NAV3: variants seen among roughly 807,000 people sequenced by gnomAD.
NAV3 encodes the protein neuron navigator 3.
A neutral mutation model predicts 244.7 loss-of-function variants in NAV3; 87 were observed. That is an observed-to-expected ratio of 0.36 (90% CI 0.30 to 0.42). The LOEUF is 0.42. NAV3 is among the 20% of genes least tolerant of loss of function. The pLI, the probability that NAV3 is intolerant of heterozygous loss-of-function variation, is 1.00. For missense variants in NAV3, 2,663 were observed against 2,893.3 expected, an observed-to-expected ratio of 0.92 and a Z score of 1.83; for synonymous variants, 1,126 against 1,042.2, an observed-to-expected ratio of 1.08 and a Z score of -1.55.
At chr12:77,702,340 C>A (rs774312015) in intron 2 of NAV3, among the ~76,000 whole-genome samples, 4 of 151,892 alleles carry the variant, frequency 2.6e-5, no homozygotes, top group Non-Finnish European at 5.9e-5. Flanking sequence ...CCTTTCTGTC[C>A]TTTTCTATTT....
At chr12:77,592,067 A>G (rs979097640) in intron 2 of NAV3, among the ~76,000 whole-genome samples, 1 of 152,178 alleles carries the variant, frequency 6.6e-6, no homozygotes, top group Non-Finnish European at 1.5e-5. Context: ...TCGTTCGCAC[A>G]GTGTCTGACT....
At chr12:78,094,410 A>T (rs1012413950) in intron 12 of NAV3, among the ~76,000 whole-genome samples, 6 of 152,214 alleles carry the variant, frequency 3.9e-5, no homozygotes, top group African/African-American at 1.4e-4. Context: ...GTCAATGGAT[A>T]TAATGGTGTA....
intron 2 of NAV3, among the ~76,000 whole-genome samples, chr12:77,640,518 A>T (rs1162230847): frequency 6.6e-6 from 1 of 152,162 alleles, no homozygotes; most frequent in Non-Finnish European, 1.5e-5. Context: ...GTGATATCAT[A>T]CAGTATTTTT....
intron 2 of NAV3, among the ~76,000 whole-genome samples, chr12:77,716,989 G>T (rs919466994): frequency 1.3e-5 from 2 of 151,990 alleles, no homozygotes; most frequent in African/African-American, 4.8e-5. Flanking sequence ...TAAAAGAAAA[G>T]ATGTAAACCA....
intron 5 of NAV3, among the ~76,000 whole-genome samples, chr12:77,969,296 C>T (rs566784188): frequency 6.6e-6 from 1 of 151,940 alleles, no homozygotes; most frequent in African/African-American, 2.4e-5. Context: ...TTTTCTCTTC[C>T]ATTATTATTA....
chr12:77,636,353 C>T (rs1200347658), intron 2 of NAV3, among the ~76,000 whole-genome samples: 2 of 151,460 alleles, frequency 1.3e-5, no homozygotes, highest in Non-Finnish European at 2.9e-5. Flanking sequence ...GTAGTCCCAG[C>T]TACTCAGGAG....
rs1187441915 is a variant in NAV3, at chr12:78,204,971, A to G, written c.6871A>G (p.Lys2291Glu). Reference protein sequence around the residue: ...GKRTPWEDPSKWVLDTYPWSS... With the variant: ...GKRTPWEDPSEWVLDTYPWSS... ...ACGCACACCATGGGAAGATCCTTCA[A>G]AGTGGGTGCTTGACACATATCCATG... Residue 2291 changes from lysine to glutamate, a missense_variant, in exon 39 of 40, where the codon AAG (lysine) becomes GAG (glutamate). Lys to Glu is a moderately conservative substitution (Grantham distance 56). Around this residue, in one of 6 missense-constraint regions of NAV3, gnomAD observed 543 missense variants for 672.4 expected, o/e 0.81. Transcript: ENST00000397909. 1 of 1,613,440 alleles carries G rather than the reference A, an allele frequency of 6.2e-7. No individual in the cohort carries two copies. The highest frequency in any genetic ancestry group is 1.3e-5 in the African/African-American group (1 of 74,882).
chr12:78,048,322 T>A (rs1458703488), intron 9 of NAV3, among the ~76,000 whole-genome samples: 1 of 152,232 alleles, frequency 6.6e-6, no homozygotes, highest in Admixed American at 6.5e-5. Context: ...TCAGCCTTTT[T>A]GCACTGTTTT....
intron 1 of NAV3, among the ~76,000 whole-genome samples, chr12:77,843,397 T>TTGTGTG (rs58382126): frequency 4.7e-5 from 7 of 147,830 alleles, no homozygotes; most frequent in African/African-American, 1.5e-4. Context: ...TGTTAATCAT[T>TTGTGTG]TGTGTGTGTG....
At chr12:78,086,538 G>A (rs1953647967) in intron 12 of NAV3, among the ~76,000 whole-genome samples, 1 of 151,990 alleles carries the variant, frequency 6.6e-6, no homozygotes, top group East Asian at 1.9e-4. Flanking sequence ...TTTTATCACA[G>A]TGAATTTATG....
At chr12:77,801,533 A>T (rs1340657331) in intron 2 of NAV3, among the ~76,000 whole-genome samples, 1 of 152,128 alleles carries the variant, frequency 6.6e-6, no homozygotes, top group Admixed American at 6.6e-5. Flanking sequence ...ACAAATTTTC[A>T]GAGATGTGCA....
intron 1 of NAV3, among the ~76,000 whole-genome samples, chr12:77,918,899 GA>G (rs1448939357): frequency 6.6e-6 from 1 of 151,982 alleles, no homozygotes; most frequent in Non-Finnish European, 1.5e-5. Context: ...CAAGATTGGA[GA>G]AATAGACTCC....
rs774016968 is a variant in NAV3 at position 78,118,250 on chromosome 12, G to A, written c.2993G>A (p.Gly998Glu). 6.2e-7 allele frequency: 1 copy of A among 1,612,658 alleles called. No individual in the cohort carries two copies. Among genetic ancestry groups the A allele is most frequent in the Non-Finnish European group, 8.5e-7 (1 of 1,179,024 alleles). The change falls in exon 14 of 40, where the codon GGG becomes GAG. Residue 998 changes from glycine to glutamate, a missense_variant. This residue lies in a region of NAV3 where 1,521 missense variants were observed against 1,497.0 expected (regional missense o/e 1.02). Transcript: ENST00000397909. Reference sequence around the variant, plus strand: ...AGAAGAGGCATGTCTGCCCAAGGAGGGGCGCCATCTAGGCAGAAAGCTGGA... The same window carrying A: ...AGAAGAGGCATGTCTGCCCAAGGAGAGGCGCCATCTAGGCAGAAAGCTGGA... ...SWRRGMSAQG[G>E]APSRQKAGTS...
chr12:77,626,749 G>C (rs1042595940), intron 2 of NAV3, among the ~76,000 whole-genome samples: 1 of 152,044 alleles, frequency 6.6e-6, no homozygotes, highest in Non-Finnish European at 1.5e-5. Context: ...GTCTTCCCCA[G>C]ACAAGGAAAA....
At chr12:78,081,569 T>A (rs1419320102) in intron 12 of NAV3, among the ~76,000 whole-genome samples, 1 of 152,218 alleles carries the variant, frequency 6.6e-6, no homozygotes, top group East Asian at 1.9e-4. Flanking sequence ...TCACTTTCTT[T>A]CTTGCTGCTT....
intron 2 of NAV3, among the ~76,000 whole-genome samples, chr12:77,794,720 G>T (rs1307791493): frequency 2.0e-5 from 3 of 152,094 alleles, no homozygotes; most frequent in Non-Finnish European, 4.4e-5. Flanking sequence ...TGAGATGTTG[G>T]TGATACTCAT....
Position 77,579,640 on chromosome 12 carries a change from A to G in NAV3, c.72+7374A>G, listed in dbSNP as rs565084044. ...CTGTAATAATGGCAATTAAATTTCA[A>G]CAGGAGTTTTGGAGGAGGCTAACAT... On this transcript the variant is annotated intron_variant, in intron 2 of 8. Coordinates refer to the NAV3 transcript ENST00000550042. 4.2e-4 allele frequency among the ~76,000 whole-genome samples: 64 copies of G among 152,324 alleles called. No homozygotes were observed. In the South Asian group the frequency reaches 0.013, roughly 30 times the overall value.
intron 2 of NAV3, among the ~76,000 whole-genome samples, chr12:77,723,520 T>C (rs530207660): frequency 8.6e-5 from 13 of 151,928 alleles, no homozygotes; most frequent in Admixed American, 1.3e-4. Flanking sequence ...ACAAAATAAA[T>C]AGGATCTCTG....
At chr12:77,606,410 C>T (rs1439895212) in intron 2 of NAV3, among the ~76,000 whole-genome samples, 2 of 152,086 alleles carry the variant, frequency 1.3e-5, no homozygotes, top group Non-Finnish European at 2.9e-5. Flanking sequence ...TTAGGTGCCA[C>T]TATTTCATCA....
Sources: gnomAD v4.1 joint callset for allele counts (sites outside exome capture counted in the v4.1 genomes callset) on GRCh38, gnomAD v4.1.1 for gene constraint, gnomAD v4.1.1 regional missense constraint, MANE v1.5 for transcripts, NCBI Gene and HGNC (gene_info 2026-07-23, HGNC 2026-07-21) for gene names.